Variants in OR51B5 observed in about 807,000 individuals in gnomAD.
OR51B5 encodes the protein olfactory receptor family 51 subfamily B member 5, also known as olfactory receptor 51B5.
For missense variants in OR51B5, 456 were observed against 374.6 expected, an observed-to-expected ratio of 1.22 and a Z score of -1.79; for synonymous variants, 186 against 144.8, an observed-to-expected ratio of 1.28 and a Z score of -2.04.
At chr11:5,380,244 C>G (rs1344815577) in intron 1 of OR51B5, among the ~76,000 whole-genome samples, 1 of 152,160 alleles carries the variant, frequency 6.6e-6, no homozygotes, top group Admixed American at 6.5e-5. Context: ...TCTCTGTAAA[C>G]CTTCCAGACT....
At chr11:5,477,226 G>A (rs1022075217) in intron 1 of OR51B5, among the ~76,000 whole-genome samples, 1 of 152,020 alleles carries the variant, frequency 6.6e-6, no homozygotes, top group East Asian at 2.0e-4. Flanking sequence ...GGCCCCATGA[G>A]TAGTGATGGT....
At chr11:5,349,122 G>T (rs1012446692) in intron 1 of OR51B5, among the ~76,000 whole-genome samples, 1 of 152,126 alleles carries the variant, frequency 6.6e-6, no homozygotes, top group Non-Finnish European at 1.5e-5. Flanking sequence ...GGAAGAGGGT[G>T]AATGGCTGCA....
chr11:5,476,911 CG>C (rs111934056), intron 1 of OR51B5, among the ~76,000 whole-genome samples: 14 of 151,980 alleles, frequency 9.2e-5, no homozygotes, highest in Non-Finnish European at 2.1e-4. Flanking sequence ...AACAGGCCAT[CG>C]AAAAACAGGA....
At chr11:5,505,173 G>A (rs1846353722) in intron 1 of OR51B5, among the ~76,000 whole-genome samples, 1 of 152,138 alleles carries the variant, frequency 6.6e-6, no homozygotes, top group African/African-American at 2.4e-5. Context: ...CCAATTAACA[G>A]GACTTCACTT....
In OR51B5 at chr11:5,441,492, G is replaced by C. The variant is rs377352485; in HGVS notation, n.84+64077C>G. 1.9e-6 allele frequency: 3 copies of C among 1,612,170 alleles called. No homozygotes were observed. Among genetic ancestry groups the C allele is most frequent in the Admixed American group, 1.7e-5 (1 of 59,936 alleles). On this transcript the variant is annotated intron_variant and non_coding_transcript_variant, in intron 1 of 4. Transcript: ENST00000415970. ...CAGCTGGAGTGTTGCTGGCTGGAAG[G>C]GGGTGCCATTGAGACCCAGCATGGT...
chr11:5,460,844 C>A (rs1325173710), intron 1 of OR51B5, among the ~76,000 whole-genome samples: 5 of 152,168 alleles, frequency 3.3e-5, no homozygotes, highest in South Asian at 2.1e-4. Flanking sequence ...TTCAAAGGGC[C>A]AAGGTTCAGC....
intron 1 of OR51B5, among the ~76,000 whole-genome samples, chr11:5,408,151 A>G (rs1030787899): frequency 6.6e-6 from 1 of 152,136 alleles, no homozygotes; most frequent in Non-Finnish European, 1.5e-5. Flanking sequence ...TGCAGTTCCA[A>G]ATTAGCTTTC....
intron 1 of OR51B5, among the ~76,000 whole-genome samples, chr11:5,493,882 G>C (rs1350673333): frequency 6.6e-6 from 1 of 152,148 alleles, no homozygotes; most frequent in African/African-American, 2.4e-5. Context: ...TGAACATTTA[G>C]ATCCCTCTGC....
intron 1 of OR51B5, among the ~76,000 whole-genome samples, chr11:5,401,937 A>G (rs1246400564): frequency 9.1e-6 from 1 of 110,024 alleles, no homozygotes; most frequent in East Asian, 2.7e-4. Context: ...CTTTTCTTTT[A>G]TTATTCTTTC....
intron 1 of OR51B5, chr11:5,469,260 G>C (rs1851187735): frequency 6.4e-6 from 1 of 156,474 alleles, no homozygotes; most frequent in African/African-American, 2.4e-5. Flanking sequence ...TGCAAGCTCT[G>C]CTCTTCCTTT....
At chr11:5,389,964 C>T (rs866967995) in intron 1 of OR51B5, 2 of 1,611,936 alleles carry the variant, frequency 1.2e-6, no homozygotes, top group Admixed American at 1.7e-5. Flanking sequence ...CTCTCCCACT[C>T]ATTTTGCCTG....
chr11:5,460,359 T>C (rs1032279507), intron 1 of OR51B5, among the ~76,000 whole-genome samples: 2 of 152,342 alleles, frequency 1.3e-5, no homozygotes, highest in Admixed American at 1.3e-4. Context: ...TTTACCTATA[T>C]AACAAACCTG....
chr11:5,372,144 CA>C (rs1462450278), intron 1 of OR51B5, among the ~76,000 whole-genome samples: 4 of 152,150 alleles, frequency 2.6e-5, no homozygotes, highest in African/African-American at 9.7e-5. Flanking sequence ...AGACCTGTCA[CA>C]ATGTCTTTAT....
intron 1 of OR51B5, among the ~76,000 whole-genome samples, chr11:5,382,514 A>C (rs900471649): frequency 6.6e-6 from 1 of 152,184 alleles, no homozygotes; most frequent in Non-Finnish European, 1.5e-5. Flanking sequence ...GCTGGTAATA[A>C]TAGCAGCATT....
intron 1 of OR51B5, among the ~76,000 whole-genome samples, chr11:5,375,184 TC>T (rs1422886481): frequency 1.4e-5 from 2 of 145,558 alleles, no homozygotes; most frequent in Admixed American, 1.4e-4. Flanking sequence ...ATATTCAACA[TC>T]CTTAAAGGAA....
At chr11:5,361,038 C>T (rs992709753) in intron 1 of OR51B5, among the ~76,000 whole-genome samples, 1 of 151,850 alleles carries the variant, frequency 6.6e-6, no homozygotes, top group Non-Finnish European at 1.5e-5. Context: ...ATACCTAATG[C>T]TAAGTGACGA....
intron 1 of OR51B5, chr11:5,454,118 C>T (rs1008756023): frequency 6.2e-7 from 1 of 1,614,172 alleles, no homozygotes; most frequent in Non-Finnish European, 8.5e-7. Context: ...TTGGCATGGA[C>T]CTGTTTTTTA....
chr11:5,499,180 A>G (rs896591512), intron 1 of OR51B5, among the ~76,000 whole-genome samples: 21 of 140,058 alleles, frequency 1.5e-4, no homozygotes, highest in African/African-American at 4.7e-4. Flanking sequence ...TGTCTATGAA[A>G]AATTGGCCCC....
chr11:5,390,097 C>A, intron 1 of OR51B5: 1 of 1,613,786 alleles, frequency 6.2e-7, no homozygotes, highest in East Asian at 2.2e-5. Context: ...ATGGACTCAT[C>A]CTGCACACAG....
Sources: gnomAD v4.1 joint callset for allele counts (sites outside exome capture counted in the v4.1 genomes callset) on GRCh38, gnomAD v4.1.1 for gene constraint, MANE v1.5 for transcripts, NCBI Gene and HGNC (gene_info 2026-07-23, HGNC 2026-07-21) for gene names.